NT5E: variants seen among roughly 807,000 people sequenced by gnomAD.
NT5E encodes 5'-nucleotidase ecto.
NT5E carries 53 observed loss-of-function variants against 55.1 expected under a neutral mutation model. That is an observed-to-expected ratio of 0.96 (90% CI 0.77 to 1.21). NT5E has a LOEUF of 1.21. NT5E is among the 50% of genes most tolerant of loss of function. NT5E has a pLI of 0.00. For synonymous variants in NT5E, 270 were observed against 278.4 expected (o/e 0.97, Z 0.30); for missense variants, 683 against 724.3 (o/e 0.94, Z 0.65).
At chr6:85,458,486 G>A (rs1769030869) in intron 1 of NT5E, among the ~76,000 whole-genome samples, 1 of 152,194 alleles carries the variant, frequency 6.6e-6, no homozygotes, top group Non-Finnish European at 1.5e-5. Flanking sequence ...ACTATTAATA[G>A]CATCTGTTGT....
In NT5E at chr6:85,467,160, A is replaced by C; in HGVS notation, c.440A>C (p.Lys147Thr). The change falls in exon 2 of 9, where the codon AAG (lysine) becomes ACG (threonine). Residue 147 changes from lysine to threonine, a missense_variant. Lys to Thr is a moderately conservative substitution (Grantham distance 78, BLOSUM62 -1). Coordinates refer to ENST00000257770, the MANE Select transcript of NT5E (RefSeq NM_002526.4). ...FPILSANIKAKGPLASQISGL... is the reference protein window; with the variant it reads ...FPILSANIKATGPLASQISGL... The stretch of plus-strand genomic sequence containing the variant: ...ATTCTGAGTGCAAACATTAAAGCAA[A>C]GGGGCCACTAGCATCTCAAATATCA... The C allele has an allele frequency of 6.2e-7, 1 of 1,614,182 alleles. No homozygotes were observed. Among genetic ancestry groups the C allele is most frequent in the Non-Finnish European group, 8.5e-7 (1 of 1,180,026 alleles).
intron 1 of NT5E, 123 bp from the exon 2 acceptor site, chr6:85,466,937 C>G: frequency 1.1e-6 from 1 of 909,924 alleles, no homozygotes; most frequent in Non-Finnish European, 1.8e-6. Flanking sequence ...GGGCCTGACC[C>G]AGGTGAGGAG....
Position 85,480,769 on chromosome 6 carries a change from T to TAAAC in NT5E, c.752-4441_752-4438dup, listed in dbSNP as rs111733798. Among the ~76,000 whole-genome samples the TAAAC allele has an allele frequency of 9.2e-3, 1,398 of 152,212 alleles. 10 individuals carry two copies. Among genetic ancestry groups the TAAAC allele is most frequent in the African/African-American group, 0.025 (1,037 of 41,522 alleles). On this transcript the variant is annotated intron_variant, in intron 3 of 8. Transcript: ENST00000257770. ...TTGTGTGTTAAAGATACTAATAGCT[T>TAAAC]AAACAAACAAACAAACAAACAAACA...
chr6:85,468,474 C>G (rs1023590795), intron 2 of NT5E, among the ~76,000 whole-genome samples: 3 of 152,224 alleles, frequency 2.0e-5, no homozygotes, highest in Non-Finnish European at 4.4e-5. Flanking sequence ...GTCAGAGTCA[C>G]AAGCTAGGAT....
At position 85,492,064 on chromosome 6, in the gene NT5E, GT is replaced by G; in HGVS notation, c.1450del (p.Tyr484MetfsTer12). The G allele has an allele frequency of 2.5e-6, 4 of 1,614,198 alleles. No homozygotes were observed. The highest frequency in any genetic ancestry group is 3.4e-6 in the Non-Finnish European group (4 of 1,180,026). On this transcript the variant is annotated frameshift_variant, in exon 8 of 9. Transcript: ENST00000257770. LOFTEE classifies it high-confidence loss of function. ...DVLCTKCRVP[S>X]YDPLKMDEVY... ...CTTTGCACCAAGTGTCGAGTGCCCA[GT>G]TATGACCCTCTCAAAATGGACGAGG...
At chr6:85,481,298 G>T (rs1208528010) in intron 3 of NT5E, among the ~76,000 whole-genome samples, 1 of 152,090 alleles carries the variant, frequency 6.6e-6, no homozygotes, top group Non-Finnish European at 1.5e-5. Context: ...TACAAAGCAT[G>T]GTATGAAAGG....
intron 2 of NT5E, among the ~76,000 whole-genome samples, chr6:85,470,899 C>T (rs1238885094): frequency 1.3e-5 from 2 of 152,184 alleles, no homozygotes; most frequent in Non-Finnish European, 2.9e-5. Flanking sequence ...ATCATGCTTA[C>T]GTGCTTAGGC....
chr6:85,455,748 G>A (rs1768975972), intron 1 of NT5E, among the ~76,000 whole-genome samples: 1 of 152,098 alleles, frequency 6.6e-6, no homozygotes, highest in African/African-American at 2.4e-5. Flanking sequence ...CTTAACCTAT[G>A]GGATCTGACA....
intron 3 of NT5E, among the ~76,000 whole-genome samples, chr6:85,475,242 TTTCTG>T (rs534415253): frequency 1.3e-5 from 2 of 152,184 alleles, no homozygotes; most frequent in South Asian, 4.1e-4. Flanking sequence ...ACCCTCATAT[TTTCTG>T]TTCTGTTATT....
At chr6:85,466,922 TC>T in intron 1 of NT5E, 137 bp from the exon 2 acceptor site, 1 of 782,162 alleles carries the variant, frequency 1.3e-6, no homozygotes, top group Non-Finnish European at 2.2e-6. Context: ...GATCTGAATG[TC>T]CCTGGGCCTG....
chr6:85,456,168 C>T (rs1160425167), intron 1 of NT5E, among the ~76,000 whole-genome samples: 1 of 152,180 alleles, frequency 6.6e-6, no homozygotes, highest in Non-Finnish European at 1.5e-5. Context: ...ATTCAGAGAG[C>T]TTCCAAGTTG....
intron 1 of NT5E, among the ~76,000 whole-genome samples, chr6:85,456,085 G>A (rs1314148433): frequency 6.6e-6 from 1 of 152,038 alleles, no homozygotes; most frequent in Non-Finnish European, 1.5e-5. Flanking sequence ...GATTGAGTTC[G>A]GTCTCCAACA....
chr6:85,483,205 G>A (rs1391852568), intron 3 of NT5E, among the ~76,000 whole-genome samples: 1 of 152,230 alleles, frequency 6.6e-6, no homozygotes, highest in Non-Finnish European at 1.5e-5. Flanking sequence ...TGGGTTTCCA[G>A]GAAACTGACA....
At position 85,492,197 on chromosome 6, in the gene NT5E, C is replaced by G; in HGVS notation, c.1561+20C>G. On this transcript the variant is annotated intron_variant, in intron 8 of 8. Transcript: ENST00000257770. ...ACTCTGGTAAGCATGACTGTCTCTT[C>G]CTTTCTCTAAAGAACAACAAAATTG... 1 of 1,611,584 alleles carries G rather than the reference C, an allele frequency of 6.2e-7. No homozygotes were observed. Among genetic ancestry groups the G allele is most frequent in the Non-Finnish European group, 8.5e-7 (1 of 1,177,858 alleles).
chr6:85,470,342 A>C (rs1368280391), intron 2 of NT5E, among the ~76,000 whole-genome samples: 3 of 152,238 alleles, frequency 2.0e-5, no homozygotes, highest in Non-Finnish European at 4.4e-5. Flanking sequence ...TATGTGCAGT[A>C]ATAAGCACCC....
rs754061413 is a variant in NT5E at position 85,450,470 on chromosome 6, G to T, written c.331G>T (p.Asp111Tyr). ...GCACTTCATGAACGCCCTGCGCTAC[G>T]ATGCCATGGTAAGACCCGAGCCCGC... ...VAHFMNALRY[D>Y]AMALGNHEFD... Residue 111 changes from aspartate (D) to tyrosine (Y), a missense_variant, in exon 1 of 9, where the codon GAT becomes TAT. Transcript: ENST00000257770. The surrounding 1 kb of genome is among the most constrained non-coding windows in gnomAD (Gnocchi z 4.0). 32 of 1,593,486 alleles carry T rather than the reference G, an allele frequency of 2.0e-5. No individual in the cohort carries two copies. In the South Asian group the frequency reaches 3.7e-4, roughly 18 times the overall value.
chr6:85,483,025 A>T (rs1462678650), intron 3 of NT5E, among the ~76,000 whole-genome samples: 1 of 152,232 alleles, frequency 6.6e-6, no homozygotes, highest in Non-Finnish European at 1.5e-5. Context: ...TTCCAAATGA[A>T]TGAATGTTTT....
intron 3 of NT5E, among the ~76,000 whole-genome samples, chr6:85,474,427 T>C (rs1432940081): frequency 6.6e-6 from 1 of 152,180 alleles, no homozygotes; most frequent in Non-Finnish European, 1.5e-5. Context: ...TAGTTAATGA[T>C]GAAGGACTGG....
chr6:85,464,463 G>A (rs558293280), intron 1 of NT5E, among the ~76,000 whole-genome samples: 5 of 152,208 alleles, frequency 3.3e-5, no homozygotes, highest in Admixed American at 1.3e-4. Flanking sequence ...GCTGAGGAGC[G>A]GACGGAGCCT....
Sources: allele counts gnomAD v4.1 joint callset (sites outside exome capture counted in the v4.1 genomes callset), GRCh38; gene constraint gnomAD v4.1.1; non-coding constraint Gnocchi (gnomAD v3.1); transcripts MANE v1.5; gene names NCBI Gene and HGNC (gene_info 2026-07-23, HGNC 2026-07-21).